The following ATP2B2 variants were observed in gnomAD, a reference collection of about 807,000 sequenced individuals.
ATP2B2 encodes ATPase plasma membrane Ca2+ transporting 2, also known as plasma membrane calcium-transporting ATPase 2.
In ATP2B2, 15 loss-of-function variants were observed where a neutral mutation model predicts 120.0. That is an observed-to-expected ratio of 0.12 (90% CI 0.08 to 0.19). The LOEUF (loss-of-function observed/expected upper bound fraction) is 0.19, where lower values mean the gene tolerates loss of function less well. Ranked by LOEUF, ATP2B2 falls within the 10% of genes least tolerant of loss-of-function variation. ATP2B2 has a pLI of 1.00. For missense variants in ATP2B2, 1,045 were observed against 1,719.8 expected, an observed-to-expected ratio of 0.61 and a Z score of 6.94; for synonymous variants, 694 against 700.3, an observed-to-expected ratio of 0.99 and a Z score of 0.14.
intron 1 of ATP2B2, among the ~76,000 whole-genome samples, chr3:10,693,546 T>C (rs9868718): frequency 0.027 from 4,100 of 152,364 alleles, 171 homozygotes; most frequent in African/African-American, 0.091. Flanking sequence ...GTGGCTCCTT[T>C]GCTATTTTTA....
intron 22 of ATP2B2, chr3:10,336,050 C>A: frequency 6.8e-7 from 1 of 1,478,306 alleles, no homozygotes; most frequent in Non-Finnish European, 9.1e-7. Flanking sequence ...CCCCCCATGT[C>A]CTCTGGTGCC....
chr3:10,668,341 C>G (rs1458042807), intron 1 of ATP2B2, among the ~76,000 whole-genome samples: 1 of 152,220 alleles, frequency 6.6e-6, no homozygotes. Flanking sequence ...AAACCCAGAT[C>G]GATCTAACTC....
At chr3:10,503,752 G>C (rs2066488516) in intron 1 of ATP2B2, among the ~76,000 whole-genome samples, 1 of 152,272 alleles carries the variant, frequency 6.6e-6, no homozygotes, top group African/African-American at 2.4e-5. Context: ...AGCCCCACAT[G>C]TGTGTGCCTG....
chr3:10,496,349 GC>G (rs1333608907), intron 1 of ATP2B2, among the ~76,000 whole-genome samples: 3 of 152,162 alleles, frequency 2.0e-5, no homozygotes, highest in African/African-American at 7.2e-5. Flanking sequence ...TTCTTTGCAG[GC>G]TTGCCCTGGG....
intron 22 of ATP2B2, chr3:10,332,255 G>T (rs2060001044): frequency 1.8e-6 from 1 of 553,528 alleles, no homozygotes; most frequent in Non-Finnish European, 3.3e-6. Flanking sequence ...ATCTGCAGGG[G>T]AAGTGGGAGC....
chr3:10,541,960 A>G (rs1418201769), intron 2 of ATP2B2, among the ~76,000 whole-genome samples: 1 of 152,116 alleles, frequency 6.6e-6, no homozygotes, highest in East Asian at 1.9e-4. Context: ...TAGGATTGCT[A>G]TGTCTTCCTG....
At chr3:10,403,662 T>C (rs768909721) in intron 3 of ATP2B2, among the ~76,000 whole-genome samples, 9 of 152,178 alleles carry the variant, frequency 5.9e-5, no homozygotes, top group Non-Finnish European at 8.8e-5. Context: ...TCATCCTTCC[T>C]GCAAAACTCA....
At chr3:10,369,506 G>A (rs2061165445) in intron 12 of ATP2B2, among the ~76,000 whole-genome samples, 1 of 152,196 alleles carries the variant, frequency 6.6e-6, no homozygotes, top group South Asian at 2.1e-4. Context: ...CTAATTGGCT[G>A]AATGGTTTTG....
chr3:10,435,078 G>A (rs1358367770), intron 2 of ATP2B2, among the ~76,000 whole-genome samples: 2 of 152,226 alleles, frequency 1.3e-5, no homozygotes, highest in Non-Finnish European at 2.9e-5. Context: ...ATCCAGGCCT[G>A]CCTTTCACAG....
chr3:10,448,731 C>G (rs1471687175), intron 2 of ATP2B2, among the ~76,000 whole-genome samples: 1 of 152,190 alleles, frequency 6.6e-6, no homozygotes, highest in Non-Finnish European at 1.5e-5. Context: ...AGCTGTGATG[C>G]CCCAGAGCCC....
In ATP2B2 at chr3:10,656,177, G is replaced by T. The variant is rs1459714825; in HGVS notation, c.-459-36216C>A. Among the ~76,000 whole-genome samples, 5 of 152,278 alleles carry T rather than the reference G, an allele frequency of 3.3e-5. No homozygotes were observed. The East Asian group carries it at 9.7e-4, about 29-fold the overall frequency. ...TGAAAAAGGTGGTGAGGAAGTTGCT[G>T]GGGACTAAAGAGATGAAGGCCTTGA... On this transcript the variant is annotated intron_variant, in intron 1 of 21. Coordinates refer to the ATP2B2 transcript ENST00000646379.
intron 3 of ATP2B2, among the ~76,000 whole-genome samples, chr3:10,409,245 T>C (rs528818547): frequency 6.6e-6 from 1 of 152,362 alleles, no homozygotes; most frequent in African/African-American, 2.4e-5. Context: ...TATAATGTCC[T>C]ATGTGAAAGT....
intron 1 of ATP2B2, chr3:10,626,664 A>C (rs1347488143): frequency 6.6e-6 from 1 of 152,030 alleles, no homozygotes; most frequent in African/African-American, 2.4e-5. Context: ...CTGATAAATG[A>C]ATAGATGGAG....
Position 10,385,257 on chromosome 3 carries a change from G to A in ATP2B2, c.1000+11C>T, listed in dbSNP as rs373087312. The A allele has an allele frequency of 3.8e-5, 62 of 1,613,370 alleles. No homozygotes were observed. In the African/African-American group the frequency reaches 7.3e-4, roughly 19 times the overall value. On this transcript the variant is annotated intron_variant, in intron 8 of 22. Coordinates refer to ENST00000360273, the MANE Select transcript of ATP2B2 (RefSeq NM_001001331.4). ...CCAACCATGACCAGGAGCTCGCCGT[G>A]GGAGACATACCATTGACTAGGCTGG...
At chr3:10,657,531 G>A (rs1429456664) in intron 1 of ATP2B2, among the ~76,000 whole-genome samples, 1 of 152,240 alleles carries the variant, frequency 6.6e-6, no homozygotes, top group Non-Finnish European at 1.5e-5. Flanking sequence ...AAACTGCCAG[G>A]CGGCAGCGAG....
At chr3:10,612,926 T>C in intron 2 of ATP2B2, among the ~76,000 whole-genome samples, 1 of 152,204 alleles carries the variant, frequency 6.6e-6, no homozygotes, top group East Asian at 1.9e-4. Flanking sequence ...TTGTTATTCA[T>C]GAACCCCTTA....
At chr3:10,413,303 A>ATGG (rs2062675000) in intron 2 of ATP2B2, among the ~76,000 whole-genome samples, 3 of 152,234 alleles carry the variant, frequency 2.0e-5, no homozygotes, top group Admixed American at 6.5e-5. Flanking sequence ...TGAGATCTCC[A>ATGG]TCAGGAGCCT....
intron 1 of ATP2B2, among the ~76,000 whole-genome samples, chr3:10,649,451 T>C (rs993620857): frequency 6.6e-6 from 1 of 152,232 alleles, no homozygotes; most frequent in Non-Finnish European, 1.5e-5. Flanking sequence ...GTCATCCTTC[T>C]GCCAATTTCT....
intron 1 of ATP2B2, among the ~76,000 whole-genome samples, chr3:10,484,597 C>T (rs1490198548): frequency 1.3e-5 from 2 of 152,136 alleles, no homozygotes; most frequent in Admixed American, 1.3e-4. Flanking sequence ...CTCCACTTGC[C>T]AGTGGGCTGG....
Sources: gnomAD v4.1 joint callset for allele counts (sites outside exome capture counted in the v4.1 genomes callset) on GRCh38, gnomAD v4.1.1 for gene constraint, MANE v1.5 for transcripts, NCBI Gene and HGNC (gene_info 2026-07-23, HGNC 2026-07-21) for gene names.